Variants in ZNF705A observed in about 807,000 individuals in gnomAD.
ZNF705A encodes zinc finger protein 705A.
A neutral mutation model predicts 16.6 loss-of-function variants in ZNF705A; 8 were observed. The ratio of observed to expected loss-of-function variants is 0.48; its 90% CI spans 0.28 to 0.87. The LOEUF is 0.87. ZNF705A is among the 40% of genes least tolerant of loss of function. ZNF705A has a pLI of 0.10. For missense variants in ZNF705A, 233 were observed against 359.9 expected (o/e 0.65, Z 2.85); for synonymous variants, 73 against 117.3 (o/e 0.62, Z 2.44).
chr12:8,160,942 G>A (rs181015761), intron 1 of ZNF705A, among the ~76,000 whole-genome samples: 1 of 152,238 alleles, frequency 6.6e-6, no homozygotes, highest in African/African-American at 2.4e-5. Flanking sequence ...TCCTCATTCG[G>A]TATTTTGTTG....
chr12:8,175,873 C>T, exon 4 of ZNF705A: 2 of 1,611,298 alleles, frequency 1.2e-6, no homozygotes, highest in Non-Finnish European at 1.7e-6. Flanking sequence ...GGGAAAGTGC[C>T]CTTAAGAAAA....
chr12:8,172,738 T>G, intron 1 of ZNF705A, 101 bp downstream of exon 2: 2 of 1,536,564 alleles, frequency 1.3e-6, no homozygotes, highest in Non-Finnish European at 1.8e-6. Context: ...TATTCTTTTC[T>G]GTTTGTTTGT....
At chr12:8,170,354 C>T (rs1442985506), upstream of ZNF705A, among the ~76,000 whole-genome samples, 1 of 152,080 alleles carries the variant, frequency 6.6e-6, no homozygotes, top group Admixed American at 6.5e-5. Flanking sequence ...AGACCCATAA[C>T]ATGTTTTTAA....
intron 1 of ZNF705A, among the ~76,000 whole-genome samples, chr12:8,173,918 C>T (rs1165375239): frequency 6.6e-6 from 1 of 152,180 alleles, no homozygotes; most frequent in African/African-American, 2.4e-5. Context: ...TTTATTTCAT[C>T]ACAGTCATGT....
At chr12:8,157,868 C>T (rs1948322385) in intron 1 of ZNF705A, among the ~76,000 whole-genome samples, 1 of 152,058 alleles carries the variant, frequency 6.6e-6, no homozygotes, top group Admixed American at 6.6e-5. Context: ...GAAGAACAGA[C>T]CCAAATACTC....
At chr12:8,173,080 G>A (rs908329870) in intron 1 of ZNF705A, among the ~76,000 whole-genome samples, 8 of 152,228 alleles carry the variant, frequency 5.3e-5, no homozygotes, top group African/African-American at 1.7e-4. Flanking sequence ...AGAGATGAGC[G>A]AAGAGCAGAA....
chr12:8,179,240 G>T (rs1361482113), exon 5 of ZNF705A: 1 of 152,088 alleles, frequency 6.6e-6, no homozygotes, highest in African/African-American at 2.4e-5. Context: ...TTATTCAGGT[G>T]AGTCCTGAGT....
chr12:8,163,219 A>G (rs1948371471), intron 1 of ZNF705A, among the ~76,000 whole-genome samples: 1 of 151,472 alleles, frequency 6.6e-6, no homozygotes, highest in Non-Finnish European at 1.5e-5. Context: ...GATCTGTTGG[A>G]TCTAGATCAG....
upstream of ZNF705A, among the ~76,000 whole-genome samples, chr12:8,171,169 A>T (rs973647228): frequency 6.6e-6 from 1 of 152,202 alleles, no homozygotes; most frequent in African/African-American, 2.4e-5. Flanking sequence ...TACATCTGTA[A>T]GCACAATGTC....
chr12:8,161,848 A>G (rs1030739075), intron 1 of ZNF705A, among the ~76,000 whole-genome samples: 3 of 152,184 alleles, frequency 2.0e-5, no homozygotes, highest in African/African-American at 7.2e-5. Context: ...TAACCTGTGG[A>G]TGGCCCAAAT....
At chr12:8,177,109 C>T (rs142122782) in exon 5 of ZNF705A, 14 of 1,611,854 alleles carry the variant, frequency 8.7e-6, no homozygotes, top group Admixed American at 1.7e-5. Context: ...GAAAGAAACC[C>T]TATGTCAGCA....
chr12:8,162,672 A>C (rs1948365735), intron 1 of ZNF705A, among the ~76,000 whole-genome samples: 1 of 152,100 alleles, frequency 6.6e-6, no homozygotes, highest in Non-Finnish European at 1.5e-5. Flanking sequence ...GAGCAAGAAA[A>C]GTTAAAAGAA....
intron 2 of ZNF705A, among the ~76,000 whole-genome samples, 162 bp downstream of exon 3, chr12:8,174,614 A>T (rs889710125): frequency 3.3e-5 from 5 of 152,176 alleles, no homozygotes; most frequent in Admixed American, 6.5e-5. Flanking sequence ...TCTGAAATAA[A>T]TATCTTTCTT....
intron 1 of ZNF705A, among the ~76,000 whole-genome samples, chr12:8,163,409 T>C (rs139696180): frequency 0.024 from 3,639 of 152,282 alleles, 101 homozygotes; most frequent in African/African-American, 0.06. Context: ...ACAAATACAT[T>C]GAATGATATT....
At chr12:8,169,418 T>C (rs1035832833), upstream of ZNF705A, among the ~76,000 whole-genome samples, 33 of 152,320 alleles carry the variant, frequency 2.2e-4, no homozygotes, top group African/African-American at 7.7e-4. Flanking sequence ...GATAACAGGA[T>C]TTTCCATTTA....
chr12:8,171,134 T>C (rs915879526), upstream of ZNF705A, among the ~76,000 whole-genome samples: 2 of 152,224 alleles, frequency 1.3e-5, no homozygotes, highest in African/African-American at 4.8e-5. Flanking sequence ...AGGGTTATTA[T>C]GAGGGTTAAA....
At chr12:8,164,652 A>G (rs139252515) in intron 1 of ZNF705A, among the ~76,000 whole-genome samples, 17 of 152,342 alleles carry the variant, frequency 1.1e-4, no homozygotes, top group Middle Eastern at 3.4e-3. Flanking sequence ...ATGTTCCTCC[A>G]AAGAACATGA....
chr12:8,161,796 G>A (rs1255486568), intron 1 of ZNF705A, among the ~76,000 whole-genome samples: 2 of 152,106 alleles, frequency 1.3e-5, no homozygotes, highest in Non-Finnish European at 2.9e-5. Flanking sequence ...CACGGAGGCC[G>A]CCGGCAACCC....
chr12:8,173,550 A>G (rs1199652413), intron 1 of ZNF705A, among the ~76,000 whole-genome samples: 8 of 152,246 alleles, frequency 5.3e-5, no homozygotes, highest in Admixed American at 5.2e-4. Context: ...GAGGCTTCAT[A>G]TCACAGGAAT....
Sources: gnomAD v4.1 joint callset for allele counts (sites outside exome capture counted in the v4.1 genomes callset) on GRCh38, gnomAD v4.1.1 for gene constraint, MANE v1.5 for transcripts, NCBI Gene and HGNC (gene_info 2026-07-23, HGNC 2026-07-21) for gene names.